Variants in FCF1 observed in about 807,000 individuals in gnomAD.
The protein encoded by FCF1 is rRNA-processing protein FCF1 homolog.
In FCF1, 17 loss-of-function variants were observed where a neutral mutation model predicts 32.5. The ratio of observed to expected loss-of-function variants is 0.52; its 90% CI spans 0.36 to 0.78. The LOEUF (loss-of-function observed/expected upper bound fraction) is 0.78, where lower values mean the gene tolerates loss of function less well. Among genes scored for constraint, FCF1 ranks in the 30% least tolerant of loss-of-function variants. The pLI is 0.00. For synonymous variants in FCF1, 84 were observed against 78.4 expected (o/e 1.07, Z -0.38); for missense variants, 201 against 241.1 (o/e 0.83, Z 1.10).
intron 3 of FCF1, chr14:74,715,679 C>A: frequency 1.9e-6 from 1 of 522,424 alleles, no homozygotes; most frequent in Non-Finnish European, 3.4e-6. Flanking sequence ...TCTACTTTTG[C>A]TAGAGGAAGA....
In FCF1 at chr14:74,714,957, C is replaced by T. The variant is rs1594780511; in HGVS notation, c.143+14C>T. Reference sequence around the variant, plus strand: ...GGAAAGAGAAGTGTGAGTAATCAAACGTTTGAAGTTTTCCTTTAAAACCAT... The same window carrying T: ...GGAAAGAGAAGTGTGAGTAATCAAATGTTTGAAGTTTTCCTTTAAAACCAT... On this transcript the variant is annotated intron_variant, in intron 3 of 7. Transcript: ENST00000341162. 6.3e-7 allele frequency: 1 copy of T among 1,577,926 alleles called. No homozygotes were observed. The highest frequency in any genetic ancestry group is 2.2e-5 in the East Asian group (1 of 44,518).
At chr14:74,723,380 G>A in intron 5 of FCF1, 36 bp downstream of exon 5, 1 of 1,381,976 alleles carries the variant, frequency 7.2e-7, no homozygotes. Flanking sequence ...TTCTAGATTG[G>A]TATACTGAAG....
At chr14:74,713,587 T>C in intron 2 of FCF1, 35 bp downstream of exon 2, 1 of 1,560,052 alleles carries the variant, frequency 6.4e-7, no homozygotes, top group Non-Finnish European at 8.8e-7. Flanking sequence ...AGGGATATTC[T>C]AATAAGAGTC....
intron 4 of FCF1, among the ~76,000 whole-genome samples, chr14:74,718,969 A>C (rs1016617788): frequency 1.1e-4 from 16 of 151,696 alleles, no homozygotes; most frequent in African/African-American, 3.9e-4. Flanking sequence ...ATCTCTACTA[A>C]AAATACAAAA....
intron 4 of FCF1, among the ~76,000 whole-genome samples, chr14:74,719,649 C>T (rs986260317): frequency 6.6e-6 from 1 of 150,438 alleles, no homozygotes; most frequent in Non-Finnish European, 1.5e-5. Flanking sequence ...TCTATGGTCC[C>T]AGCTGCTTGG....
At chr14:74,719,676 G>C (rs1185491208) in intron 4 of FCF1, among the ~76,000 whole-genome samples, 1 of 151,832 alleles carries the variant, frequency 6.6e-6, no homozygotes, top group Non-Finnish European at 1.5e-5. Context: ...GAGGTGGGAG[G>C]ATCACTTAAG....
At chr14:74,734,313 A>AAGCAAG (rs2090677872) in intron 7 of FCF1, 143 bp downstream of exon 7, 1 of 553,314 alleles carries the variant, frequency 1.8e-6, no homozygotes, top group Non-Finnish European at 3.2e-6. Flanking sequence ...AAATGAGACA[A>AAGCAAG]AGCAAGAGCA....
At chr14:74,723,137 T>C (rs1471494854) in intron 4 of FCF1, 135 bp from the exon 5 acceptor site, 6 of 643,716 alleles carry the variant, frequency 9.3e-6, no homozygotes, top group South Asian at 3.3e-5. Flanking sequence ...TAGTTCTTCT[T>C]GTATATTTCA....
Position 74,716,083 on chromosome 14 carries a change from C to T in FCF1, c.276C>T (p.Asp92=), listed in dbSNP as rs761951497. 3.1e-6 allele frequency: 5 copies of T among 1,613,710 alleles called. No individual in the cohort carries two copies. The South Asian group carries it at 4.4e-5, about 14-fold the overall frequency. Residue 92 remains aspartate, a synonymous_variant, in exon 4 of 8, where the codon GAC becomes GAT. Transcript: ENST00000341162. ...AKLDLVQSMM[D]CLYAKCIPCI... is the part of the protein sequence containing the mutation. The stretch of plus-strand genomic sequence containing the variant: ...TGGACTTAGTGCAGTCAATGATGGA[C>T]TGTCTGTATGCCAAGTGTGAGTATC...
chr14:74,730,072 A>G (rs933329314), intron 5 of FCF1, among the ~76,000 whole-genome samples: 1 of 152,060 alleles, frequency 6.6e-6, no homozygotes, highest in Non-Finnish European at 1.5e-5. Context: ...AAAAAAATGT[A>G]TATTCTGTTG....
At chr14:74,725,935 C>CAA (rs568348050) in intron 5 of FCF1, among the ~76,000 whole-genome samples, 8 of 108,528 alleles carry the variant, frequency 7.4e-5, no homozygotes, top group Admixed American at 2.0e-4. Context: ...GACTCCATCT[C>CAA]AAAAAAAAAA....
intron 3 of FCF1, 121 bp downstream of exon 3, chr14:74,715,064 A>C: frequency 2.0e-6 from 2 of 1,003,634 alleles, no homozygotes; most frequent in Non-Finnish European, 2.8e-6. Flanking sequence ...ATGTAGATGA[A>C]AGTCATATCG....
At chr14:74,734,475 AT>A (rs202008512) in intron 7 of FCF1, among the ~76,000 whole-genome samples, 3 of 151,330 alleles carry the variant, frequency 2.0e-5, no homozygotes, top group South Asian at 2.1e-4. Flanking sequence ...GTTTTGAAAG[AT>A]TTTTTTTTAT....
chr14:74,721,574 G>A (rs1030218600), intron 4 of FCF1, among the ~76,000 whole-genome samples: 2 of 151,974 alleles, frequency 1.3e-5, no homozygotes, highest in Non-Finnish European at 2.9e-5. Context: ...GGTGGAGGGC[G>A]CCTGTAATCC....
Position 74,737,746 on chromosome 14 carries a change from G to C in FCF1, c.*2816G>C, listed in dbSNP as rs2090719607. The C allele has an allele frequency of 6.6e-6, 1 of 152,154 alleles. No homozygotes were observed. The highest frequency in any genetic ancestry group is 1.5e-5 in the Non-Finnish European group (1 of 68,044). 9.4% of individuals were successfully genotyped at this position (152,154 alleles called of 1,614,324 possible). A position where few individuals can be genotyped will look rare whatever the true frequency, so the allele number is the denominator to read the frequency against. On this transcript the variant is annotated 3_prime_UTR_variant, in exon 8 of 8. Coordinates refer to ENST00000341162, the MANE Select transcript of FCF1 (RefSeq NM_015962.5). ...ACCTGTAATCCCAACACTTTGGGAG[G>C]CCAAGGTGGGCGGATCACCTGAGGT...
intron 5 of FCF1, among the ~76,000 whole-genome samples, 180 bp downstream of exon 5, chr14:74,723,524 C>CT: frequency 6.6e-6 from 1 of 152,094 alleles, no homozygotes; most frequent in Non-Finnish European, 1.5e-5. Context: ...AGTGTCTAAA[C>CT]TTTTAATAGA....
chr14:74,723,294 T>C lies in FCF1; in HGVS notation c.315T>C (p.Cys105=). 2.5e-6 allele frequency: 4 copies of C among 1,613,680 alleles called. No individual in the cohort carries two copies. The highest frequency in any genetic ancestry group is 3.4e-6 in the Non-Finnish European group (4 of 1,179,694). Reference sequence around the variant, plus strand: ...CAGGTATCCCATGTATAACCGATTGTGTAATGGCTGAAATTGAGAAATTGG... The same window carrying C: ...CAGGTATCCCATGTATAACCGATTGCGTAATGGCTGAAATTGAGAAATTGG... ...YAKCIPCITD[C]VMAEIEKLGQ... Residue 105 remains cysteine, a synonymous_variant, in exon 5 of 8, where the codon TGT becomes TGC. Coordinates refer to ENST00000341162, the MANE Select transcript of FCF1 (RefSeq NM_015962.5).
chr14:74,725,219 G>A (rs535163095), intron 5 of FCF1, among the ~76,000 whole-genome samples: 4 of 152,206 alleles, frequency 2.6e-5, no homozygotes, highest in South Asian at 4.1e-4. Flanking sequence ...GGCCAGGCAT[G>A]GTGGCTCATG....
At chr14:74,730,189 A>G (rs1013213693) in intron 5 of FCF1, among the ~76,000 whole-genome samples, 3 of 149,324 alleles carry the variant, frequency 2.0e-5, no homozygotes, top group South Asian at 4.3e-4. Flanking sequence ...TGCATTGTTT[A>G]TAGATATGTG....
Sources: allele counts gnomAD v4.1 joint callset (sites outside exome capture counted in the v4.1 genomes callset), GRCh38; gene constraint gnomAD v4.1.1; transcripts MANE v1.5; gene names NCBI Gene and HGNC (gene_info 2026-07-23, HGNC 2026-07-21).